Variants in EYA2 observed in about 807,000 individuals in gnomAD.
The protein encoded by EYA2 is protein phosphatase EYA2.
EYA2 carries 31 observed loss-of-function variants against 69.2 expected under a neutral mutation model. The observed-to-expected ratio is 0.45, with a 90% CI of 0.34 to 0.60. The LOEUF (loss-of-function observed/expected upper bound fraction) is 0.60. Ranked by LOEUF, EYA2 falls within the 20% of genes least tolerant of loss-of-function variation. The pLI, the probability that EYA2 is intolerant of heterozygous loss-of-function variation, is 0.02. For missense variants in EYA2, 622 were observed against 701.2 expected (o/e 0.89, Z 1.28); for synonymous variants, 257 against 279.4 (o/e 0.92, Z 0.80).
chr20:47,123,228 T>C (rs2146562219), intron 9 of EYA2, among the ~76,000 whole-genome samples: 1 of 152,296 alleles, frequency 6.6e-6, no homozygotes, highest in South Asian at 2.1e-4. Flanking sequence ...TTTCGATGCA[T>C]ATAAAGTATA....
chr20:47,010,156 G>A (rs1160410345), intron 4 of EYA2, among the ~76,000 whole-genome samples: 2 of 152,158 alleles, frequency 1.3e-5, no homozygotes, highest in East Asian at 1.9e-4. Flanking sequence ...CTGGGTCATG[G>A]GGTATATGCA....
At chr20:46,997,080 A>G (rs925107474) in intron 2 of EYA2, among the ~76,000 whole-genome samples, 3 of 152,154 alleles carry the variant, frequency 2.0e-5, no homozygotes, top group Admixed American at 6.5e-5. Flanking sequence ...TGTTCCGCAC[A>G]GGTAGAGGTT....
chr20:46,996,078 G>C (rs769266946), intron 2 of EYA2, among the ~76,000 whole-genome samples: 11 of 152,208 alleles, frequency 7.2e-5, no homozygotes, highest in Non-Finnish European at 1.3e-4. Flanking sequence ...ATGAGAATGG[G>C]TTGTAGATTT....
At chr20:47,093,097 TCC>T (rs1336898371) in intron 8 of EYA2, among the ~76,000 whole-genome samples, 1 of 152,140 alleles carries the variant, frequency 6.6e-6, no homozygotes, top group East Asian at 1.9e-4. Context: ...TGCCTTCTCT[TCC>T]CATTTGCCAC....
At chr20:47,081,186 C>T (rs76553938) in intron 7 of EYA2, among the ~76,000 whole-genome samples, 2 of 151,830 alleles carry the variant, frequency 1.3e-5, no homozygotes, top group African/African-American at 4.8e-5. Flanking sequence ...AATTCAGTCA[C>T]CTCCCACTGG....
At chr20:47,156,855 C>T (rs188188520) in intron 10 of EYA2, among the ~76,000 whole-genome samples, 11 of 152,032 alleles carry the variant, frequency 7.2e-5, no homozygotes, top group African/African-American at 2.4e-4. Context: ...GGAAGTTCAT[C>T]GGGGCCCTGA....
chr20:47,089,440 A>G, intron 8 of EYA2, 59 bp downstream of exon 8: 1 of 1,544,184 alleles, frequency 6.5e-7, no homozygotes, highest in African/African-American at 1.4e-5. Flanking sequence ...AGGCCCAAAC[A>G]AGAGTGGGGA....
intron 1 of EYA2, among the ~76,000 whole-genome samples, chr20:46,966,262 C>T (rs1343189185): frequency 6.6e-6 from 1 of 152,106 alleles, no homozygotes; most frequent in African/African-American, 2.4e-5. Context: ...GCTGGGATTA[C>T]AGGGATGAGC....
intron 9 of EYA2, among the ~76,000 whole-genome samples, chr20:47,126,768 C>T (rs2033200941): frequency 1.3e-5 from 2 of 152,040 alleles, no homozygotes; most frequent in African/African-American, 2.4e-5. Flanking sequence ...CCTCAGAGGA[C>T]ATTTGGTGAC....
At chr20:47,107,708 AGAAG>A (rs1453354402) in intron 9 of EYA2, among the ~76,000 whole-genome samples, 1 of 151,124 alleles carries the variant, frequency 6.6e-6, no homozygotes. Context: ...ACAAAAGAGA[AGAAG>A]GAAGAAGAAG....
chr20:46,957,569 AC>A (rs751119677), intron 1 of EYA2, among the ~76,000 whole-genome samples: 4,623 of 149,480 alleles, frequency 0.031, 166 homozygotes, highest in African/African-American at 0.07. Flanking sequence ...ACACACACAC[AC>A]ACACACACGA....
intron 5 of EYA2, among the ~76,000 whole-genome samples, chr20:47,020,617 G>A (rs1250433533): frequency 1.2e-4 from 18 of 152,158 alleles, no homozygotes; most frequent in Admixed American, 1.2e-3. Context: ...TCTCCAGAGT[G>A]TGTTATAAGA....
At chr20:46,921,125 C>T (rs975254148) in intron 1 of EYA2, among the ~76,000 whole-genome samples, 2 of 152,222 alleles carry the variant, frequency 1.3e-5, no homozygotes, top group Admixed American at 6.5e-5. Flanking sequence ...CCCACACCTC[C>T]GCTGGCTCTT....
intron 2 of EYA2, among the ~76,000 whole-genome samples, chr20:46,990,930 T>C (rs1981619054): frequency 6.6e-6 from 1 of 152,248 alleles, no homozygotes; most frequent in African/African-American, 2.4e-5. Context: ...GAATTGGCTT[T>C]GAAGCCAATC....
chr20:47,176,076 CTTTTTT>C (rs35654076), intron 12 of EYA2, among the ~76,000 whole-genome samples: 1 of 112,464 alleles, frequency 8.9e-6, no homozygotes. Context: ...CACTTAAATT[CTTTTTT>C]TTTTTTTTTT....
At chr20:47,098,104 A>G (rs1014755457) in intron 9 of EYA2, among the ~76,000 whole-genome samples, 1 of 152,236 alleles carries the variant, frequency 6.6e-6, no homozygotes, top group African/African-American at 2.4e-5. Context: ...GTAATTAGCA[A>G]GATAGATTTA....
intron 1 of EYA2, among the ~76,000 whole-genome samples, chr20:46,902,840 A>G (rs1243517201): frequency 6.6e-6 from 1 of 152,220 alleles, no homozygotes; most frequent in Non-Finnish European, 1.5e-5. Context: ...CTATAACCGC[A>G]GGGTTGAACA....
chr20:47,097,044 G>A (rs2032267781), intron 8 of EYA2, 41 bp from the exon 9 acceptor site: 1 of 1,449,656 alleles, frequency 6.9e-7, no homozygotes, highest in Non-Finnish European at 9.7e-7. Context: ...AGATGCACGT[G>A]AGTCCATTTT....
At chr20:46,934,486 T>C (rs1336458427) in intron 1 of EYA2, among the ~76,000 whole-genome samples, 7 of 152,080 alleles carry the variant, frequency 4.6e-5, no homozygotes, top group Admixed American at 4.6e-4. Context: ...CTAGCCCAGT[T>C]AGGTCGTGGG....
Sources: allele counts gnomAD v4.1 joint callset (sites outside exome capture counted in the v4.1 genomes callset), GRCh38; gene constraint gnomAD v4.1.1; transcripts MANE v1.5; gene names NCBI Gene and HGNC (gene_info 2026-07-23, HGNC 2026-07-21).